Variants in RNF185 observed in about 807,000 individuals in gnomAD.
RNF185 encodes the protein ring finger protein 185.
RNF185 carries 13 observed loss-of-function variants against 24.9 expected under a neutral mutation model. The observed-to-expected ratio is 0.52, with a 90% CI of 0.34 to 0.83. The LOEUF is 0.83. Among genes scored for constraint, RNF185 ranks in the 40% least tolerant of loss-of-function variants. The pLI is 0.01. For synonymous variants in RNF185, 79 were observed against 90.3 expected (o/e 0.88, Z 0.71); for missense variants, 184 against 244.7 (o/e 0.75, Z 1.65).
At chr22:31,173,025 C>T (rs775913471) in intron 1 of RNF185, among the ~76,000 whole-genome samples, 1 of 152,176 alleles carries the variant, frequency 6.6e-6, no homozygotes, top group African/African-American at 2.4e-5. Flanking sequence ...ATTAAATCCC[C>T]TTCATTCATT....
chr22:31,203,376 G>C (rs535954123), intron 6 of RNF185, among the ~76,000 whole-genome samples: 1 of 152,292 alleles, frequency 6.6e-6, no homozygotes, highest in South Asian at 2.1e-4. Context: ...TTCTCTTCTG[G>C]AAAAGGAAGG....
In RNF185 at chr22:31,201,546, G is replaced by A; in HGVS notation, c.412G>A (p.Gly138Arg). 1 of 1,612,354 alleles carries A rather than the reference G, an allele frequency of 6.2e-7. No homozygotes were observed. The highest frequency in any genetic ancestry group is 1.1e-5 in the South Asian group (1 of 91,002). The part of the protein sequence containing the change: ...FGDGGFQMSF[G>R]IGAFPFGIFA... ...AGATGGTGGCTTCCAGATGTCTTTTGGAATTGGGGCATTTCCCTTTGGGAT... is the reference window on the plus strand; with the variant it reads ...AGATGGTGGCTTCCAGATGTCTTTTAGAATTGGGGCATTTCCCTTTGGGAT... Residue 138 changes from glycine (G) to arginine (R), a missense_variant, in exon 6 of 7, where the codon GGA becomes AGA. Physicochemically the swap from Gly to Arg is moderately radical, Grantham distance 125 (BLOSUM62 -2). Transcript: ENST00000326132.
chr22:31,188,971 A>G (rs1384144185), intron 2 of RNF185, among the ~76,000 whole-genome samples: 2 of 149,628 alleles, frequency 1.3e-5, no homozygotes, highest in East Asian at 3.9e-4. Flanking sequence ...AAAAAAAAAA[A>G]AAAAATTAGC....
chr22:31,178,464 G>A (rs910596239), intron 1 of RNF185, among the ~76,000 whole-genome samples: 1 of 152,162 alleles, frequency 6.6e-6, no homozygotes, highest in African/African-American at 2.4e-5. Context: ...AAAGCATACA[G>A]ATTCTTAGGC....
chr22:31,195,535 G>T lies in RNF185; in HGVS notation c.262G>T (p.Val88Phe). 1 of 1,611,474 alleles carries T rather than the reference G, an allele frequency of 6.2e-7. No individual in the cohort carries two copies. Among genetic ancestry groups the T allele is most frequent in the Non-Finnish European group, 8.5e-7 (1 of 1,178,866 alleles). ...VCKAGISRDK[V>F]IPLYGRGSTG... ...CAAAGCTGGCATCAGCCGAGACAAG[G>T]TCATCCCCCTCTATGGAAGGGGCAG... is the stretch of plus-strand genomic sequence containing the variant. Residue 88 changes from valine (V) to phenylalanine (F), a missense_variant, in exon 4 of 7, where the codon GTC becomes TTC. Transcript: ENST00000326132.
intron 1 of RNF185, among the ~76,000 whole-genome samples, chr22:31,186,477 C>T (rs1049848890): frequency 1.3e-5 from 2 of 152,126 alleles, no homozygotes; most frequent in Admixed American, 6.5e-5. Context: ...TGGCAGGCAC[C>T]TGTAATCCCA....
rs1038019073 is a variant in RNF185, at chr22:31,168,619, T to C, written c.-49+8316T>C. On this transcript the variant is annotated intron_variant, in intron 1 of 6. Transcript: ENST00000326132. The stretch of plus-strand genomic sequence containing the variant: ...CTGGATCATATGGTAGTTCAGTTTT[T>C]AATTTTTTTGAGGAGCCTCTGTGCT... Among the ~76,000 whole-genome samples the C allele has an allele frequency of 1.2e-4, 19 of 152,346 alleles. No homozygotes were observed. In the East Asian group the frequency reaches 3.1e-3, roughly 25 times the overall value.
intron 1 of RNF185, among the ~76,000 whole-genome samples, chr22:31,177,664 C>T (rs1191342736): frequency 1.3e-5 from 2 of 152,160 alleles, no homozygotes; most frequent in East Asian, 1.9e-4. Flanking sequence ...GGGTTCCTGG[C>T]AGAAAGCTTC....
intron 1 of RNF185, among the ~76,000 whole-genome samples, chr22:31,167,136 A>G (rs909913592): frequency 8.5e-5 from 13 of 152,202 alleles, no homozygotes; most frequent in African/African-American, 3.1e-4. Context: ...TTATTGTGGT[A>G]AGATGTACAT....
chr22:31,202,539 G>C (rs563298215), intron 6 of RNF185, among the ~76,000 whole-genome samples: 2 of 150,258 alleles, frequency 1.3e-5, no homozygotes, highest in African/African-American at 4.9e-5. Context: ...CTGCCTGCCT[G>C]TCTGTCTTCG....
chr22:31,163,042 G>A lies in RNF185; in HGVS notation c.-49+2739G>A, dbSNP rs113280734. On this transcript the variant is annotated intron_variant, in intron 1 of 6. Coordinates refer to ENST00000326132, the MANE Select transcript of RNF185 (RefSeq NM_152267.4). ...GCCTCCCAAGGTGCTGGGATTACAG[G>A]CGTGAGCCACCACGTCTGGCCTGCT... Among the ~76,000 whole-genome samples, 599 of 152,252 alleles carry A rather than the reference G, an allele frequency of 3.9e-3. 1 individual carries two copies. The highest frequency in any genetic ancestry group is 0.013 in the African/African-American group (554 of 41,542).
chr22:31,196,804 C>A, intron 4 of RNF185, 132 bp from the exon 5 acceptor site: 2 of 1,160,686 alleles, frequency 1.7e-6, no homozygotes, highest in Non-Finnish European at 2.4e-6. Flanking sequence ...GAGAATTAAT[C>A]TGGCATAAGT....
intron 1 of RNF185, among the ~76,000 whole-genome samples, chr22:31,183,567 A>T (rs1419280865): frequency 1.3e-5 from 2 of 151,864 alleles, no homozygotes; most frequent in Admixed American, 1.3e-4. Flanking sequence ...GGTAGTTGAG[A>T]TTAGGGAGTG....
chr22:31,189,914 A>T (rs1472991754), intron 2 of RNF185, among the ~76,000 whole-genome samples: 2 of 152,098 alleles, frequency 1.3e-5, no homozygotes, highest in Admixed American at 6.5e-5. Context: ...TTTTAAAGGC[A>T]GAATGCCATT....
intron 1 of RNF185, among the ~76,000 whole-genome samples, chr22:31,181,000 C>G (rs1021895972): frequency 6.6e-6 from 1 of 150,690 alleles, no homozygotes; most frequent in African/African-American, 2.4e-5. Flanking sequence ...CATACATACT[C>G]ATATACATAC....
intron 1 of RNF185, among the ~76,000 whole-genome samples, chr22:31,177,645 G>A (rs1014084537): frequency 6.6e-6 from 1 of 152,170 alleles, no homozygotes; most frequent in Admixed American, 6.5e-5. Flanking sequence ...GACAGGCTCA[G>A]GCATGCCAGG....
At chr22:31,168,344 C>G (rs1419768994) in intron 1 of RNF185, among the ~76,000 whole-genome samples, 1 of 152,138 alleles carries the variant, frequency 6.6e-6, no homozygotes, top group African/African-American at 2.4e-5. Context: ...CTTTGACTGA[C>G]TTACTTCACC....
At chr22:31,166,416 T>C (rs1399722009) in intron 1 of RNF185, among the ~76,000 whole-genome samples, 1 of 152,196 alleles carries the variant, frequency 6.6e-6, no homozygotes, top group Non-Finnish European at 1.5e-5. Context: ...TGTTTCCTGC[T>C]ACGGGGCACA....
At chr22:31,184,674 G>A (rs1238190490) in intron 1 of RNF185, among the ~76,000 whole-genome samples, 1 of 152,218 alleles carries the variant, frequency 6.6e-6, no homozygotes, top group Non-Finnish European at 1.5e-5. Flanking sequence ...GGCACCTCGG[G>A]AGGCCGAGGC....
Sources: gnomAD v4.1 joint callset for allele counts (sites outside exome capture counted in the v4.1 genomes callset) on GRCh38, gnomAD v4.1.1 for gene constraint, MANE v1.5 for transcripts, NCBI Gene and HGNC (gene_info 2026-07-23, HGNC 2026-07-21) for gene names.